The following LIMCH1 variants were observed in gnomAD, a reference collection of about 807,000 sequenced individuals.
LIMCH1 encodes LIM and calponin homology domains-containing protein 1.
A neutral mutation model predicts 176.5 loss-of-function variants in LIMCH1; 113 were observed. The ratio of observed to expected loss-of-function variants is 0.64; its 90% CI spans 0.55 to 0.75. LIMCH1 has a LOEUF of 0.75. Among genes scored for constraint, LIMCH1 ranks in the 30% least tolerant of loss-of-function variants. The pLI is 0.00. For synonymous variants in LIMCH1, 619 were observed against 645.9 expected, an observed-to-expected ratio of 0.96 and a Z score of 0.63; for missense variants, 1,674 against 1,814.9, an observed-to-expected ratio of 0.92 and a Z score of 1.41.
chr4:41,631,984 C>A (rs2093351274), intron 10 of LIMCH1, among the ~76,000 whole-genome samples: 1 of 152,172 alleles, frequency 6.6e-6, no homozygotes, highest in African/African-American at 2.4e-5. Context: ...AATCAGGAGT[C>A]TTAAAAACCT....
intron 1 of LIMCH1, among the ~76,000 whole-genome samples, chr4:41,545,675 T>C (rs899928028): frequency 6.6e-6 from 1 of 152,222 alleles, no homozygotes; most frequent in Admixed American, 6.5e-5. Flanking sequence ...TTTTATTAAA[T>C]GGTTATTTAA....
rs143339119 is a variant in LIMCH1 at position 41,525,170 on chromosome 4, AAGT to A, written c.237+695_237+697del. On this transcript the variant is annotated intron_variant, in intron 3 of 26. Coordinates refer to the LIMCH1 transcript ENST00000313860. ...TTGCCTTTGTGTAGAAAAAGGAAAGAAGTAGAAGATGAGGAAGACAATCAAATC... is the reference window on the plus strand; with the variant it reads ...TTGCCTTTGTGTAGAAAAAGGAAAGAAGAAGATGAGGAAGACAATCAAATC... Among the ~76,000 whole-genome samples the A allele has an allele frequency of 7.0e-3, 1,060 of 152,298 alleles. 16 individuals are homozygous for A. Among genetic ancestry groups the A allele is most frequent in the African/African-American group, 0.024 (978 of 41,562 alleles).
Position 41,625,235 on chromosome 4 carries a change from G to A in LIMCH1, c.726-1473G>A, listed in dbSNP as rs149518432. Among the ~76,000 whole-genome samples, 388 of 152,198 alleles carry A rather than the reference G, an allele frequency of 2.5e-3. 2 individuals carry two copies. The highest frequency in any genetic ancestry group is 8.9e-3 in the African/African-American group (371 of 41,512). On this transcript the variant is annotated intron_variant, in intron 7 of 31. Transcript: ENST00000503057. ...TTGCAGGGTTGTCATGAAAGTTAGT[G>A]TATCTGGAATGTACTAAATGTACTA...
intron 1 of LIMCH1, among the ~76,000 whole-genome samples, chr4:41,555,449 G>C (rs2081106700): frequency 1.3e-5 from 2 of 152,144 alleles, no homozygotes; most frequent in South Asian, 4.1e-4. Context: ...GTGTTGCCCT[G>C]ACTCTAAAGC....
intron 1 of LIMCH1, among the ~76,000 whole-genome samples, chr4:41,414,361 C>T (rs2059741412): frequency 1.3e-5 from 2 of 152,030 alleles, no homozygotes; most frequent in South Asian, 4.1e-4. Context: ...ATTAAAAAAC[C>T]GTTATCCCGA....
intron 1 of LIMCH1, among the ~76,000 whole-genome samples, chr4:41,558,764 C>T (rs2081651494): frequency 6.6e-6 from 1 of 152,096 alleles, no homozygotes; most frequent in Admixed American, 6.6e-5. Flanking sequence ...AATTTAGAGA[C>T]CATTTTCTAT....
chr4:41,409,807 A>G (rs746165424), intron 1 of LIMCH1, among the ~76,000 whole-genome samples: 4 of 152,196 alleles, frequency 2.6e-5, no homozygotes, highest in Non-Finnish European at 4.4e-5. Flanking sequence ...TGCCCTATTT[A>G]CTCATTCCAA....
Position 41,383,913 on chromosome 4 carries a change from C to T in LIMCH1, c.96+22977C>T, listed in dbSNP as rs147694274. Among the ~76,000 whole-genome samples the T allele has an allele frequency of 2.4e-3, 364 of 151,990 alleles. 1 individual carries two copies. The highest frequency in any genetic ancestry group is 5.2e-3 in the Admixed American group (79 of 15,274). ...GAGATAGGGAAGTGAGAAACGTGGA[C>T]AATTAAGTGGGAGAACTCCTAGTTG... On this transcript the variant is annotated intron_variant, in intron 1 of 26. Coordinates refer to the LIMCH1 transcript ENST00000313860.
At chr4:41,617,170 C>G (rs2092175017) in intron 5 of LIMCH1, among the ~76,000 whole-genome samples, 1 of 152,152 alleles carries the variant, frequency 6.6e-6, no homozygotes, top group African/African-American at 2.4e-5. Context: ...TGAGACAACT[C>G]TAATCCATCA....
chr4:41,609,769 G>C, intron 4 of LIMCH1: 2 of 395,038 alleles, frequency 5.1e-6, no homozygotes, highest in East Asian at 1.4e-4. Flanking sequence ...GATTCTAGAT[G>C]AAAAGCAGAG....
At position 41,633,691 on chromosome 4, in the gene LIMCH1, G is replaced by A. The variant is rs1399925296; in HGVS notation, c.1973G>A (p.Arg658Lys). The change falls in exon 13 of 32, where the codon AGA becomes AAA. Residue 658 changes from arginine (R) to lysine (K), a missense_variant. By Grantham distance (26) the Arg-to-Lys change is conservative (BLOSUM62 2). Around this residue, in one of 3 missense-constraint regions of LIMCH1, gnomAD observed 1,015 missense variants for 1,102.5 expected, o/e 0.92. Coordinates refer to ENST00000503057, the MANE Select transcript of LIMCH1 (RefSeq NM_001330672.2). ...CGAAAAGATGACATGATGGCCAGGA[G>A]AACTGGGATGTCCCTTAGACACACT... ...DSRKDDMMARRTGMSLRHTGS... is the reference protein window; with the variant it reads ...DSRKDDMMARKTGMSLRHTGS... 2.0e-6 allele frequency: 3 copies of A among 1,536,074 alleles called. No homozygotes were observed. The highest frequency in any genetic ancestry group is 2.6e-6 in the Non-Finnish European group (3 of 1,146,934).
At chr4:41,644,707 G>C (rs1281267790) in intron 15 of LIMCH1, 81 bp downstream of exon 15, 2 of 1,516,404 alleles carry the variant, frequency 1.3e-6, no homozygotes, top group African/African-American at 2.8e-5. Flanking sequence ...ACGTGGACTT[G>C]AAAGCCATGC....
intron 1 of LIMCH1, among the ~76,000 whole-genome samples, chr4:41,377,305 T>C (rs1245713571): frequency 6.6e-6 from 1 of 152,112 alleles, no homozygotes; most frequent in African/African-American, 2.4e-5. Context: ...GAATGACAGG[T>C]GCACCAGAAC....
intron 1 of LIMCH1, among the ~76,000 whole-genome samples, chr4:41,586,704 T>G (rs2086540664): frequency 6.6e-6 from 1 of 152,186 alleles, no homozygotes; most frequent in African/African-American, 2.4e-5. Context: ...GCCTGGGGAA[T>G]AGTTCAGTAA....
intron 14 of LIMCH1, among the ~76,000 whole-genome samples, chr4:41,642,601 C>G (rs2093872761): frequency 6.6e-6 from 1 of 151,998 alleles, no homozygotes; most frequent in Admixed American, 6.6e-5. Flanking sequence ...CTCTGTCACC[C>G]AGGCTGGAGT....
intron 5 of LIMCH1, among the ~76,000 whole-genome samples, chr4:41,614,639 A>T (rs2091865312): frequency 6.6e-6 from 1 of 152,204 alleles, no homozygotes; most frequent in Non-Finnish European, 1.5e-5. Context: ...TGTGTCCAGG[A>T]TCTAAGTTAA....
chr4:41,386,197 G>T (rs1204357119), intron 1 of LIMCH1, among the ~76,000 whole-genome samples: 1 of 152,098 alleles, frequency 6.6e-6, no homozygotes, highest in Admixed American at 6.5e-5. Context: ...AGAACTCAGT[G>T]TCTGACCTGT....
intron 1 of LIMCH1, among the ~76,000 whole-genome samples, chr4:41,428,747 G>A (rs73138696): frequency 1.2e-3 from 190 of 152,328 alleles, no homozygotes; most frequent in African/African-American, 4.3e-3. Context: ...ATTTCAGGTT[G>A]GATTGAGGAA....
chr4:41,627,052 G>GTGTA (rs2093011534), intron 8 of LIMCH1, 42 bp downstream of exon 8: 24 of 1,493,868 alleles, frequency 1.6e-5, no homozygotes, highest in Non-Finnish European at 2.0e-5. Flanking sequence ...GTGTGTGTGT[G>GTGTA]TCTATGAAAG....
Sources: gnomAD v4.1 joint callset for allele counts (sites outside exome capture counted in the v4.1 genomes callset) on GRCh38, gnomAD v4.1.1 for gene constraint, gnomAD v4.1.1 regional missense constraint, MANE v1.5 for transcripts, NCBI Gene and HGNC (gene_info 2026-07-23, HGNC 2026-07-21) for gene names.